The following ATL2 variants were observed in gnomAD, a reference collection of about 807,000 sequenced individuals.
ATL2 encodes the protein atlastin-2.
Under a neutral mutation model 73.9 loss-of-function variants are expected in ATL2, and 31 were observed. The ratio of observed to expected loss-of-function variants is 0.42; its 90% confidence interval spans 0.32 to 0.57. The LOEUF (loss-of-function observed/expected upper bound fraction) is 0.57. Among genes scored for constraint, ATL2 ranks in the 20% least tolerant of loss-of-function variants. The pLI is 0.14. For synonymous variants in ATL2, 291 were observed against 237.5 expected, an observed-to-expected ratio of 1.23 and a Z score of -2.07; for missense variants, 738 against 702.6, an observed-to-expected ratio of 1.05 and a Z score of -0.57.
intron 9 of ATL2, among the ~76,000 whole-genome samples, chr2:38,309,136 G>A (rs1377968529): frequency 6.6e-6 from 1 of 152,064 alleles, no homozygotes; most frequent in East Asian, 1.9e-4. Flanking sequence ...CTCCATATCT[G>A]AGATGGAGAA....
intron 1 of ATL2, among the ~76,000 whole-genome samples, chr2:38,354,688 G>A (rs975882601): frequency 3.9e-5 from 6 of 152,010 alleles, no homozygotes; most frequent in South Asian, 4.2e-4. Context: ...TTGAGAGTTC[G>A]AGACCAGCCT....
chr2:38,348,894 T>C (rs1294892738), intron 1 of ATL2, among the ~76,000 whole-genome samples: 1 of 152,148 alleles, frequency 6.6e-6, no homozygotes, highest in Non-Finnish European at 1.5e-5. Flanking sequence ...AAAGAAGACA[T>C]TTATGCAGCC....
intron 1 of ATL2, chr2:38,359,373 G>C (rs551935241): frequency 6.6e-6 from 1 of 152,022 alleles, no homozygotes; most frequent in East Asian, 1.9e-4. Flanking sequence ...GGGAGGCTGA[G>C]GCAGAAGAAT....
At chr2:38,352,133 C>CAAAAAAAAAAAAAAAAAAAAAAAAAAAA (rs778821586) in intron 1 of ATL2, among the ~76,000 whole-genome samples, 1 of 31,998 alleles carries the variant, frequency 3.1e-5, no homozygotes, top group African/African-American at 7.4e-5. Context: ...AAACAACAAC[C>CAAAAAAAAAAAAAAAAAAAAAAAAAAAA]AAAAAAAAAA....
At chr2:38,301,198 G>A (rs1055864423) in intron 9 of ATL2, among the ~76,000 whole-genome samples, 5 of 152,108 alleles carry the variant, frequency 3.3e-5, no homozygotes, top group Non-Finnish European at 5.9e-5. Flanking sequence ...TCGAACTCCC[G>A]ACCTCAGGTG....
In ATL2 at chr2:38,377,246, G is replaced by C. The variant is rs771011648; in HGVS notation, c.15C>G (p.Asp5Glu). 6.3e-7 allele frequency: 1 copy of C among 1,589,944 alleles called. No homozygotes were observed. Among genetic ancestry groups the C allele is most frequent in the Non-Finnish European group, 8.6e-7 (1 of 1,169,002 alleles). The change falls in exon 1 of 13, where the codon GAC (aspartate) becomes GAG (glutamate). Residue 5 changes from aspartate to glutamate, a missense_variant. Physicochemically the swap from Asp to Glu is conservative, Grantham distance 45 (BLOSUM62 2). Transcript: ENST00000378954. Reference sequence around the variant, plus strand: ...GCGGTTGCTGCCCTCGCGCTGCCTCGTCCCCCTCCGCCATCTTGTACCGAT... The same window carrying C: ...GCGGTTGCTGCCCTCGCGCTGCCTCCTCCCCCTCCGCCATCTTGTACCGAT... MAEG[D>E]EAARGQQPHQ...
chr2:38,353,295 A>G (rs1670465614), intron 1 of ATL2, among the ~76,000 whole-genome samples: 2 of 152,184 alleles, frequency 1.3e-5, no homozygotes, highest in Non-Finnish European at 2.9e-5. Flanking sequence ...TAGAACTGAC[A>G]AGTACAGTAA....
At chr2:38,346,816 G>T (rs1236968650) in intron 1 of ATL2, among the ~76,000 whole-genome samples, 1 of 152,038 alleles carries the variant, frequency 6.6e-6, no homozygotes, top group African/African-American at 2.4e-5. Context: ...CCTAGGGTTG[G>T]GAACCCCAGG....
intron 1 of ATL2, among the ~76,000 whole-genome samples, chr2:38,365,694 G>A (rs1671282991): frequency 6.6e-6 from 1 of 152,252 alleles, no homozygotes; most frequent in Middle Eastern, 3.4e-3. Flanking sequence ...AGCTACTTGG[G>A]AGGCTGAGGC....
intron 2 of ATL2, among the ~76,000 whole-genome samples, chr2:38,328,301 C>T (rs747545349): frequency 2.0e-5 from 3 of 152,122 alleles, no homozygotes; most frequent in Non-Finnish European, 4.4e-5. Flanking sequence ...ATAACATAGT[C>T]GAGCTGAACA....
At chr2:38,331,200 C>T (rs10207303) in intron 2 of ATL2, among the ~76,000 whole-genome samples, 37,185 of 151,726 alleles carry the variant, frequency 0.25, 4,595 homozygotes, top group South Asian at 0.36. Flanking sequence ...TTTGGGAGGC[C>T]GAGGTGGGCG....
chr2:38,337,486 C>CAAAAAAAAAAAAAAAAAAAAAAAAAAA lies in ATL2; in HGVS notation c.363+5755_363+5781dup, dbSNP rs755029194. On this transcript the variant is annotated intron_variant, in intron 2 of 12. Coordinates refer to ENST00000378954, the MANE Select transcript of ATL2 (RefSeq NM_001135673.4). ...TGGCGACAGAACAAGACTCTGTCTC[C>CAAAAAAAAAAAAAAAAAAAAAAAAAAA]AAAAAAAAAAAAAAAAAAAAAAAAA... Among the ~76,000 whole-genome samples the CAAAAAAAAAAAAAAAAAAAAAAAAAAA allele has an allele frequency of 4.6e-4, 10 of 21,658 alleles. 2 individuals are homozygous for CAAAAAAAAAAAAAAAAAAAAAAAAAAA. Among genetic ancestry groups the CAAAAAAAAAAAAAAAAAAAAAAAAAAA allele is most frequent in the Non-Finnish European group, 6.0e-4 (7 of 11,686 alleles). 14.2% of individuals were successfully genotyped at this position (21,658 alleles called of 152,430 possible).
intron 1 of ATL2, among the ~76,000 whole-genome samples, chr2:38,365,172 C>CAA (rs1299161144): frequency 3.7e-5 from 5 of 136,596 alleles, no homozygotes; most frequent in African/African-American, 1.8e-4. Flanking sequence ...CACAAATACA[C>CAA]ACACACACAC....
At chr2:38,349,344 T>C (rs1231386758) in intron 1 of ATL2, among the ~76,000 whole-genome samples, 2 of 151,232 alleles carry the variant, frequency 1.3e-5, no homozygotes. Flanking sequence ...TATGCAGCCA[T>C]AAAAAATGAT....
At chr2:38,317,366 T>C (rs1390446523) in intron 4 of ATL2, among the ~76,000 whole-genome samples, 1 of 152,158 alleles carries the variant, frequency 6.6e-6, no homozygotes, top group African/African-American at 2.4e-5. Flanking sequence ...AAAGAAAAAG[T>C]AAAGAAACAC....
chr2:38,371,209 A>AAG (rs1671670571), intron 1 of ATL2, among the ~76,000 whole-genome samples: 2 of 151,560 alleles, frequency 1.3e-5, no homozygotes, highest in Non-Finnish European at 2.9e-5. Flanking sequence ...AAAAAAAAAA[A>AAG]AAAGAAAGAA....
intron 2 of ATL2, among the ~76,000 whole-genome samples, chr2:38,337,619 A>T (rs924376711): frequency 6.6e-6 from 1 of 151,450 alleles, no homozygotes; most frequent in South Asian, 2.1e-4. Context: ...CTTATTTTTA[A>T]GAGACACATA....
At chr2:38,322,549 T>G (rs1016246075) in intron 2 of ATL2, among the ~76,000 whole-genome samples, 1 of 152,186 alleles carries the variant, frequency 6.6e-6, no homozygotes, top group Non-Finnish European at 1.5e-5. Flanking sequence ...AAAATAAATT[T>G]TTATAAGTAT....
In ATL2 at chr2:38,311,987, T is replaced by C. The variant is rs535838934; in HGVS notation, c.804+1164A>G. On this transcript the variant is annotated intron_variant, in intron 7 of 12. Transcript: ENST00000378954. ...ATGCCTTTCAAATAATCTAAGAATG[T>C]TGAATTGGTTTTAATCTCATTTTAA... Among the ~76,000 whole-genome samples, 20 of 152,320 alleles carry C rather than the reference T, an allele frequency of 1.3e-4. No homozygotes were observed. In the South Asian group the frequency reaches 3.1e-3, roughly 24 times the overall value.
Sources: gnomAD v4.1 joint callset for allele counts (sites outside exome capture counted in the v4.1 genomes callset) on GRCh38, gnomAD v4.1.1 for gene constraint, MANE v1.5 for transcripts, NCBI Gene and HGNC (gene_info 2026-07-23, HGNC 2026-07-21) for gene names.